Variants in FAT3 observed in about 807,000 individuals in gnomAD.
FAT3 encodes FAT atypical cadherin 3, also known as protocadherin Fat 3.
Under a neutral mutation model 310.2 loss-of-function variants are expected in FAT3, and 95 were observed. The ratio of observed to expected loss-of-function variants is 0.31; its 90% confidence interval spans 0.26 to 0.36. The LOEUF is 0.36. FAT3 is among the 10% of genes least tolerant of loss of function. The probability of loss-of-function intolerance (pLI) is 1.00; values close to 1 mark genes in which losing one functional copy is unlikely to be tolerated. For missense variants in FAT3, 5,408 were observed against 5,715.6 expected, an observed-to-expected ratio of 0.95 and a Z score of 1.74; for synonymous variants, 2,314 against 2,192.9, an observed-to-expected ratio of 1.06 and a Z score of -1.54.
At chr11:92,361,159 GA>G (rs1262088616) in intron 2 of FAT3, among the ~76,000 whole-genome samples, 14 of 152,128 alleles carry the variant, frequency 9.2e-5, no homozygotes, top group Non-Finnish European at 1.3e-4. Context: ...AACCCAGGCT[GA>G]AGGAGTACTC....
intron 1 of FAT3, chr11:92,314,241 A>T: frequency 1.0e-6 from 1 of 954,438 alleles, no homozygotes; most frequent in Non-Finnish European, 1.2e-6. Context: ...ATTAATAATT[A>T]AGGTCATTGG....
At chr11:92,235,684 G>T (rs1046969648) in intron 1 of FAT3, among the ~76,000 whole-genome samples, 5 of 152,082 alleles carry the variant, frequency 3.3e-5, no homozygotes, top group African/African-American at 1.2e-4. Context: ...TATGATTCTG[G>T]TACTGCAAAG....
At chr11:92,713,356 T>C (rs61328829) in intron 4 of FAT3, among the ~76,000 whole-genome samples, 4,213 of 152,316 alleles carry the variant, frequency 0.028, 211 homozygotes, top group African/African-American at 0.096. Flanking sequence ...GGAAATTACA[T>C]TGTAGTTACT....
At position 92,807,911 on chromosome 11, in the gene FAT3, G is replaced by A. The variant is rs565019610; in HGVS notation, c.9247+1396G>A. Among the ~76,000 whole-genome samples the A allele has an allele frequency of 1.1e-4, 17 of 152,352 alleles. No homozygotes were observed. In the South Asian group the frequency reaches 3.5e-3, roughly 32 times the overall value. On this transcript the variant is annotated intron_variant, in intron 12 of 27. Transcript: ENST00000525166. ...ATGACATTTTAAATTTAAGCGTAAA[G>A]ATTGGCTGGCTTGCATATTTCCAGT...
rs71473973 is a variant in FAT3, at chr11:92,551,414, T to TTG, written c.3607+26496_3607+26497dup. Among the ~76,000 whole-genome samples the TTG allele has an allele frequency of 2.0e-3, 255 of 128,960 alleles. 1 individual carries two copies. Among genetic ancestry groups the TTG allele is most frequent in the African/African-American group, 6.8e-3 (236 of 34,672 alleles). 84.6% of individuals were successfully genotyped at this position (128,960 alleles called of 152,430 possible). A position where few individuals can be genotyped will look rare whatever the true frequency, so the allele number is the denominator to read the frequency against. ...ATCTTGGTCCCATGTTTTTTTTGTTTTGTGTGTGTGTGTGTGTGTGTGTGT... is the reference window on the plus strand; with the variant it reads ...ATCTTGGTCCCATGTTTTTTTTGTTTTGTGTGTGTGTGTGTGTGTGTGTGTGT... On this transcript the variant is annotated intron_variant, in intron 3 of 27. Transcript: ENST00000525166.
chr11:92,599,789 G>C (rs1036957604), intron 3 of FAT3, among the ~76,000 whole-genome samples: 8 of 152,154 alleles, frequency 5.3e-5, no homozygotes, highest in African/African-American at 2.4e-5. Flanking sequence ...ATACATAGGG[G>C]AGTTGTCTAG....
chr11:92,466,771 C>T lies in FAT3; in HGVS notation c.3293-57863C>T, dbSNP rs888461257. Among the ~76,000 whole-genome samples, 4 of 133,826 alleles carry T rather than the reference C, an allele frequency of 3.0e-5. 1 individual carries two copies. Among genetic ancestry groups the T allele is most frequent in the African/African-American group, 5.6e-5 (2 of 35,506 alleles). 87.8% of individuals were successfully genotyped at this position (133,826 alleles called of 152,430 possible). A position where few individuals can be genotyped will look rare whatever the true frequency, so the allele number is the denominator to read the frequency against. On this transcript the variant is annotated intron_variant, in intron 2 of 27. Transcript: ENST00000525166. Reference sequence around the variant, plus strand: ...CAACAGTCCCCAGAGTGTGATGTTCCGCTTCCTGTGTCCATGTGTTCTCAT... The same window carrying T: ...CAACAGTCCCCAGAGTGTGATGTTCTGCTTCCTGTGTCCATGTGTTCTCAT...
rs151016123 is a variant in FAT3 at position 92,558,220 on chromosome 11, C to G, written c.3607+33272C>G. On this transcript the variant is annotated intron_variant, in intron 3 of 27. Transcript: ENST00000525166. Reference sequence around the variant, plus strand: ...ATGCTTATTCCAGGAAGCTTAATTACAAACCACTGATAGGAATTTATTTTA... The same window carrying G: ...ATGCTTATTCCAGGAAGCTTAATTAGAAACCACTGATAGGAATTTATTTTA... Among the ~76,000 whole-genome samples the G allele has an allele frequency of 9.9e-4, 151 of 152,300 alleles. 2 individuals carry two copies. The highest frequency in any genetic ancestry group is 3.5e-3 in the African/African-American group (146 of 41,558).
At chr11:92,756,796 C>A (rs1946002977) in intron 4 of FAT3, among the ~76,000 whole-genome samples, 1 of 151,702 alleles carries the variant, frequency 6.6e-6, no homozygotes, top group African/African-American at 2.4e-5. Context: ...CTACGAAGCT[C>A]TTGTTTCTTC....
At chr11:92,499,212 G>A (rs1433277762) in intron 2 of FAT3, among the ~76,000 whole-genome samples, 6 of 151,944 alleles carry the variant, frequency 3.9e-5, no homozygotes, top group Admixed American at 2.0e-4. Context: ...TTTATTAATC[G>A]TACACAAAAT....
At chr11:92,341,683 A>G (rs1467833922) in intron 1 of FAT3, among the ~76,000 whole-genome samples, 2 of 152,236 alleles carry the variant, frequency 1.3e-5, no homozygotes, top group Admixed American at 1.3e-4. Flanking sequence ...TTCCCATGCT[A>G]TAATTTCTAC....
At chr11:92,611,981 C>T (rs1342551165) in intron 3 of FAT3, among the ~76,000 whole-genome samples, 1 of 152,108 alleles carries the variant, frequency 6.6e-6, no homozygotes, top group Non-Finnish European at 1.5e-5. Flanking sequence ...AACAGTAGGA[C>T]CTACCTAATA....
intron 13 of FAT3, among the ~76,000 whole-genome samples, chr11:92,811,234 G>A (rs1235641392): frequency 6.6e-6 from 1 of 152,134 alleles, no homozygotes; most frequent in African/African-American, 2.4e-5. Context: ...AGGAGGATTA[G>A]AAAACATTCT....
chr11:92,703,323 A>G (rs1417531981), intron 4 of FAT3, among the ~76,000 whole-genome samples: 2 of 152,242 alleles, frequency 1.3e-5, no homozygotes, highest in Non-Finnish European at 2.9e-5. Context: ...TTTCTGGTAG[A>G]GAAGAACTGC....
chr11:92,409,517 A>G (rs1438031483), intron 2 of FAT3, among the ~76,000 whole-genome samples: 2 of 152,108 alleles, frequency 1.3e-5, no homozygotes, highest in Non-Finnish European at 1.5e-5. Flanking sequence ...AGCTCAGCAA[A>G]TGCATAATCT....
At chr11:92,627,030 G>A (rs1591537074) in intron 3 of FAT3, among the ~76,000 whole-genome samples, 2 of 152,314 alleles carry the variant, frequency 1.3e-5, no homozygotes, top group East Asian at 1.9e-4. Flanking sequence ...TCCTCATTCT[G>A]TGAATTTTAA....
intron 2 of FAT3, among the ~76,000 whole-genome samples, chr11:92,427,893 A>T (rs1386195158): frequency 6.6e-6 from 1 of 152,126 alleles, no homozygotes; most frequent in Non-Finnish European, 1.5e-5. Flanking sequence ...TAAATGAGTT[A>T]GGGAGGAGTT....
Position 92,804,636 on chromosome 11 carries a change from G to T in FAT3, c.8897-517G>T, listed in dbSNP as rs573943141. Among the ~76,000 whole-genome samples the T allele has an allele frequency of 9.9e-5, 15 of 152,212 alleles. No homozygotes were observed. In the South Asian group the frequency reaches 3.1e-3, roughly 32 times the overall value. On this transcript the variant is annotated intron_variant, in intron 10 of 27. Coordinates refer to ENST00000525166, the MANE Select transcript of FAT3 (RefSeq NM_001367949.2). ...TAACACTAATGGGCCCTCCTCTGTC[G>T]TGAAAACTTTTCTCCGCCAAACTCC...
At chr11:92,807,341 C>G (rs945211559) in intron 12 of FAT3, among the ~76,000 whole-genome samples, 1 of 152,130 alleles carries the variant, frequency 6.6e-6, no homozygotes, top group Non-Finnish European at 1.5e-5. Context: ...GTATCATTCT[C>G]TGTACCCCAA....
Sources: gnomAD v4.1 joint callset for allele counts (sites outside exome capture counted in the v4.1 genomes callset) on GRCh38, gnomAD v4.1.1 for gene constraint, MANE v1.5 for transcripts, NCBI Gene and HGNC (gene_info 2026-07-23, HGNC 2026-07-21) for gene names.